Variants in CCDC7 observed in about 807,000 individuals in gnomAD.
CCDC7 encodes the protein coiled-coil domain-containing protein 7.
A neutral mutation model predicts 196.9 loss-of-function variants in CCDC7; 183 were observed. The observed-to-expected ratio is 0.93, with a 90% CI of 0.82 to 1.05. The LOEUF (loss-of-function observed/expected upper bound fraction) is 1.05. Ranked by LOEUF, CCDC7 falls within the 50% of genes least tolerant of loss-of-function variation. CCDC7 has a pLI of 0.00. For missense variants in CCDC7, 1,540 were observed against 1,482.2 expected (o/e 1.04, Z -0.64); for synonymous variants, 525 against 484.6 (o/e 1.08, Z -1.10).
At chr10:32,647,531 G>T (rs2067995526) in intron 20 of CCDC7, among the ~76,000 whole-genome samples, 1 of 70,762 alleles carries the variant, frequency 1.4e-5, no homozygotes. Context: ...TAGCCATTCT[G>T]ACTGGTGTGA....
At chr10:32,753,308 G>T (rs2075939557) in intron 28 of CCDC7, among the ~76,000 whole-genome samples, 1 of 152,044 alleles carries the variant, frequency 6.6e-6, no homozygotes, top group Admixed American at 6.6e-5. Context: ...TTGGAATGTG[G>T]TCATAAATAG....
intron 18 of CCDC7, among the ~76,000 whole-genome samples, chr10:32,590,898 G>C (rs552880191): frequency 6.6e-6 from 1 of 152,158 alleles, no homozygotes; most frequent in East Asian, 1.9e-4. Context: ...CCCTCTTGCT[G>C]CTTTTAGGAT....
At position 32,846,373 on chromosome 10, in the gene CCDC7, T is replaced by C. The variant is rs372635206; in HGVS notation, c.3605-3T>C. On this transcript the variant is annotated splice_region_variant and splice_polypyrimidine_tract_variant and intron_variant, in intron 36 of 41. Coordinates refer to ENST00000639629, the Ensembl canonical transcript of CCDC7. ...GTATTTTGAAATCTGTTTAATTCTA[T>C]AGAGACTGATAAAGAACTCTTAAAA... is the stretch of plus-strand genomic sequence containing the variant. 3.8e-5 allele frequency: 58 copies of C among 1,516,646 alleles called. No homozygotes were observed. The highest frequency in any genetic ancestry group is 5.1e-5 in the Non-Finnish European group (56 of 1,094,902). 93.9% of individuals were successfully genotyped at this position (1,516,646 alleles called of 1,614,324 possible). A position where few individuals can be genotyped will look rare whatever the true frequency, so the allele number is the denominator to read the frequency against.
At chr10:32,713,339 A>T (rs1256020898) in intron 25 of CCDC7, among the ~76,000 whole-genome samples, 1 of 152,142 alleles carries the variant, frequency 6.6e-6, no homozygotes, top group Non-Finnish European at 1.5e-5. Context: ...GGCCCAAGAA[A>T]TGTCATTTTT....
intron 20 of CCDC7, among the ~76,000 whole-genome samples, chr10:32,646,613 G>T (rs369438628): frequency 6.6e-6 from 1 of 152,054 alleles, no homozygotes; most frequent in Admixed American, 6.6e-5. Flanking sequence ...ATAAAGGTGT[G>T]GGGGGTTACA....
intron 9 of CCDC7, among the ~76,000 whole-genome samples, chr10:32,498,569 G>C (rs2043283797): frequency 6.6e-6 from 1 of 152,118 alleles, no homozygotes; most frequent in African/African-American, 2.4e-5. Flanking sequence ...TCATGTAAAG[G>C]CAGGCCTGGT....
rs545399707 is a variant in CCDC7 at position 32,797,584 on chromosome 10, G to GA, written c.3014-7431_3014-7430insA. 3.3e-4 allele frequency among the ~76,000 whole-genome samples: 49 copies of GA among 147,566 alleles called. No individual in the cohort carries two copies. In the East Asian group the frequency reaches 9.4e-3, roughly 28 times the overall value. ...GCAGTGTATACTGCTCGTCTGATGG[G>GA]CGCACCAAAATCTCACAAATCACCA... On this transcript the variant is annotated intron_variant, in intron 29 of 41. Coordinates refer to ENST00000639629, the Ensembl canonical transcript of CCDC7.
intron 29 of CCDC7, among the ~76,000 whole-genome samples, chr10:32,782,051 C>A (rs2081143219): frequency 6.6e-6 from 1 of 152,192 alleles, no homozygotes; most frequent in Non-Finnish European, 1.5e-5. Flanking sequence ...GAAAACAGTT[C>A]CATTTACAAT....
Position 32,845,966 on chromosome 10 carries a change from G to A in CCDC7, c.3604+7G>A, listed in dbSNP as rs759021564. On this transcript the variant is annotated splice_region_variant and intron_variant, in intron 36 of 41. Coordinates refer to ENST00000639629, the Ensembl canonical transcript of CCDC7. ...CAACTGAAGAGTCACCGAGGTAAGA[G>A]AAAGAATTTTTCAAGTCTAATATTT... 31 of 1,600,038 alleles carry A rather than the reference G, an allele frequency of 1.9e-5. No homozygotes were observed. Among genetic ancestry groups the A allele is most frequent in the Non-Finnish European group, 2.6e-5 (30 of 1,169,200 alleles).
intron 28 of CCDC7, among the ~76,000 whole-genome samples, chr10:32,756,514 T>A (rs545575480): frequency 6.6e-6 from 1 of 152,230 alleles, no homozygotes; most frequent in South Asian, 2.1e-4. Flanking sequence ...GCTTCATAAG[T>A]GAAGGAGAAA....
At chr10:32,704,610 G>T (rs1451859204) in intron 24 of CCDC7, among the ~76,000 whole-genome samples, 1 of 152,128 alleles carries the variant, frequency 6.6e-6, no homozygotes, top group African/African-American at 2.4e-5. Flanking sequence ...CCCAGAGGTG[G>T]ATTCTACTGA....
chr10:32,668,869 A>G (rs2073424799), intron 21 of CCDC7, among the ~76,000 whole-genome samples: 1 of 152,140 alleles, frequency 6.6e-6, no homozygotes, highest in African/African-American at 2.4e-5. Context: ...TCCCCCATCC[A>G]ATTTGAATGC....
At chr10:32,526,571 C>G (rs1344903335) in intron 11 of CCDC7, among the ~76,000 whole-genome samples, 1 of 152,160 alleles carries the variant, frequency 6.6e-6, no homozygotes, top group African/African-American at 2.4e-5. Flanking sequence ...ACAGTGTACT[C>G]TGTGCATATC....
chr10:32,561,146 G>C (rs1328457160), intron 13 of CCDC7, among the ~76,000 whole-genome samples: 1 of 152,124 alleles, frequency 6.6e-6, no homozygotes, highest in Non-Finnish European at 1.5e-5. Flanking sequence ...TCCAATACAG[G>C]AACACCCAGT....
intron 33 of CCDC7, among the ~76,000 whole-genome samples, chr10:32,838,974 G>A (rs2092800367): frequency 6.6e-6 from 1 of 151,880 alleles, no homozygotes; most frequent in African/African-American, 2.4e-5. Context: ...TATAAGAACT[G>A]CTAAAAGGAG....
chr10:32,702,927 T>A (rs1392835980), intron 24 of CCDC7, among the ~76,000 whole-genome samples: 1 of 152,152 alleles, frequency 6.6e-6, no homozygotes, highest in Non-Finnish European at 1.5e-5. Context: ...GTGAGATGGG[T>A]TTCCTGAATA....
chr10:32,553,112 T>C (rs2053748419), intron 13 of CCDC7, among the ~76,000 whole-genome samples: 1 of 141,364 alleles, frequency 7.1e-6, no homozygotes, highest in African/African-American at 3.0e-5. Flanking sequence ...TCTTTTTTTT[T>C]TTTTTTAATT....
intron 1 of CCDC7, among the ~76,000 whole-genome samples, chr10:32,453,057 A>G (rs1588682027): frequency 1.3e-5 from 2 of 152,124 alleles, no homozygotes; most frequent in East Asian, 3.9e-4. Context: ...TAATGCTTCA[A>G]CCACTCATGG....
chr10:32,610,319 T>C (rs1013958732), intron 18 of CCDC7, among the ~76,000 whole-genome samples: 23 of 152,166 alleles, frequency 1.5e-4, no homozygotes, highest in Middle Eastern at 6.3e-3. Context: ...TTAGCCAGGA[T>C]GGTCTCAATC....
Sources: gnomAD v4.1 joint callset for allele counts (sites outside exome capture counted in the v4.1 genomes callset) on GRCh38, gnomAD v4.1.1 for gene constraint, MANE v1.5 for transcripts, NCBI Gene and HGNC (gene_info 2026-07-23, HGNC 2026-07-21) for gene names.